CCDC32: variants seen among roughly 807,000 people sequenced by gnomAD.
The protein encoded by CCDC32 is coiled-coil domain-containing protein 32.
In CCDC32, 9 loss-of-function variants were observed where a neutral mutation model predicts 20.1. The observed-to-expected ratio is 0.45, with a 90% CI of 0.27 to 0.78. The LOEUF (loss-of-function observed/expected upper bound fraction) is 0.78. CCDC32 is among the 30% of genes least tolerant of loss of function. The pLI, the probability that CCDC32 is intolerant of heterozygous loss-of-function variation, is 0.16. For missense variants in CCDC32, 204 were observed against 215.5 expected (o/e 0.95, Z 0.33); for synonymous variants, 63 against 79.0 (o/e 0.80, Z 1.07).
downstream of CCDC32, among the ~76,000 whole-genome samples, chr15:40,527,298 G>A (rs1894911621): frequency 6.6e-6 from 1 of 152,156 alleles, no homozygotes. Flanking sequence ...AGCCTTCCGA[G>A]TAGCTGGGAC....
At chr15:40,564,932 T>A in intron 1 of CCDC32, 44 bp downstream of exon 1, 1 of 920,062 alleles carries the variant, frequency 1.1e-6, no homozygotes, top group Non-Finnish European at 1.7e-6. Flanking sequence ...CGGGCCAGAG[T>A]GGGAGATCCA....
downstream of CCDC32, among the ~76,000 whole-genome samples, chr15:40,548,840 G>T (rs1016416236): frequency 6.6e-6 from 1 of 152,126 alleles, no homozygotes; most frequent in African/African-American, 2.4e-5. Context: ...ACATAGGTCT[G>T]CCCAGGTTCA....
intron 3 of CCDC32, chr15:40,529,448 A>C (rs1888812235): frequency 6.6e-6 from 1 of 152,246 alleles, no homozygotes; most frequent in Non-Finnish European, 1.5e-5. Context: ...AAGCAGAGGG[A>C]GAGAGAGCAA....
chr15:40,522,572 A>C, the CCDC32 span, among the ~76,000 whole-genome samples: 26 of 152,246 alleles, frequency 1.7e-4, no homozygotes, highest in Non-Finnish European at 3.5e-4. Flanking sequence ...AACCATGTTA[A>C]GTCTTCTGAT....
intron 2 of CCDC32, 80 bp from the exon 3 acceptor site, chr15:40,557,452 CTT>C: frequency 3.5e-6 from 5 of 1,439,142 alleles, no homozygotes; most frequent in Non-Finnish European, 4.6e-6. Flanking sequence ...AAAATACTAA[CTT>C]AAAAAATCTC....
downstream of CCDC32, among the ~76,000 whole-genome samples, chr15:40,548,940 G>T (rs1363734521): frequency 6.6e-6 from 1 of 152,110 alleles, no homozygotes; most frequent in African/African-American, 2.4e-5. Context: ...CACTGATTTG[G>T]CCATCTTTGG....
At chr15:40,531,939 C>T (rs1888893543), downstream of CCDC32, 1 of 189,466 alleles carries the variant, frequency 5.3e-6, no homozygotes, top group East Asian at 1.3e-4. Flanking sequence ...ATTGCACTGT[C>T]TCCAATGGCA....
intron 3 of CCDC32, among the ~76,000 whole-genome samples, chr15:40,546,747 G>C (rs1482005283): frequency 6.6e-6 from 1 of 151,378 alleles, no homozygotes; most frequent in Non-Finnish European, 1.5e-5. Context: ...TGTTGCCCAG[G>C]CTGGAGTGTA....
intron 3 of CCDC32, 93 bp downstream of exon 3, chr15:40,557,123 G>C: frequency 6.7e-7 from 1 of 1,485,328 alleles, no homozygotes; most frequent in East Asian, 2.3e-5. Flanking sequence ...TGGCAAAAAA[G>C]TCTGTTCTTA....
chr15:40,555,882 T>C (rs945989001), intron 3 of CCDC32, among the ~76,000 whole-genome samples: 1 of 152,132 alleles, frequency 6.6e-6, no homozygotes, highest in Admixed American at 6.5e-5. Context: ...CTCCCCCCCA[T>C]TGATTTTTAC....
In CCDC32 at chr15:40,553,825, T is replaced by G; in HGVS notation, c.*146A>C. On this transcript the variant is annotated 3_prime_UTR_variant, in exon 4 of 4. Coordinates refer to ENST00000416810, the MANE Select transcript of CCDC32 (RefSeq NM_001080792.4). Reference sequence around the variant, plus strand: ...TTTCTTTGTGGAGTGGAAATTTGGGTTTTTTCCTTCAGTGGATTTCTCCCT... The same window carrying G: ...TTTCTTTGTGGAGTGGAAATTTGGGGTTTTTCCTTCAGTGGATTTCTCCCT... 2 of 1,389,436 alleles carry G rather than the reference T, an allele frequency of 1.4e-6. No homozygotes were observed. Among genetic ancestry groups the G allele is most frequent in the Non-Finnish European group, 9.3e-7 (1 of 1,070,970 alleles). The allele number at this position is 1,389,436 out of a possible 1,614,324, so 86.1% of individuals were successfully genotyped here.
intron 3 of CCDC32, among the ~76,000 whole-genome samples, chr15:40,541,847 A>G (rs1889409405): frequency 2.6e-5 from 4 of 152,228 alleles, no homozygotes. Context: ...TTCCAACCCA[A>G]GAGTCTGTCC....
chr15:40,543,603 C>T (rs1413089834), intron 3 of CCDC32, among the ~76,000 whole-genome samples: 3 of 152,110 alleles, frequency 2.0e-5, no homozygotes, highest in Non-Finnish European at 2.9e-5. Context: ...TACAGGCGCA[C>T]GCCACCGTGC....
downstream of CCDC32, chr15:40,535,288 T>C (rs535067582): frequency 3.0e-6 from 4 of 1,317,396 alleles, no homozygotes; most frequent in South Asian, 6.7e-5. Context: ...CCAAACTGTA[T>C]GAGCACCTTG....
intron 3 of CCDC32, among the ~76,000 whole-genome samples, chr15:40,545,193 C>T (rs1451997106): frequency 6.6e-6 from 1 of 152,220 alleles, no homozygotes; most frequent in East Asian, 1.9e-4. Flanking sequence ...GACCACACTG[C>T]ACCTTGGCAT....
chr15:40,523,311 G>A, the CCDC32 span, among the ~76,000 whole-genome samples: 6 of 151,604 alleles, frequency 4.0e-5, no homozygotes, highest in Non-Finnish European at 7.4e-5. Flanking sequence ...TCAAGACCAG[G>A]CTGACCAACA....
At position 40,553,924 on chromosome 15, in the gene CCDC32, G is replaced by A. The variant is rs777588753; in HGVS notation, c.*47C>T. ...GCTCGGCGTGTGTGTGTGTGTGTGTGTGTGTGTGTGTGTGTGTGTGTGTGT... is the reference window on the plus strand; with the variant it reads ...GCTCGGCGTGTGTGTGTGTGTGTGTATGTGTGTGTGTGTGTGTGTGTGTGT... On this transcript the variant is annotated 3_prime_UTR_variant, in exon 4 of 4. Transcript: ENST00000416810. 4 of 380,352 alleles carry A rather than the reference G, an allele frequency of 1.1e-5. No homozygotes were observed. Among genetic ancestry groups the A allele is most frequent in the Non-Finnish European group, 1.5e-5 (4 of 260,602 alleles). 23.6% of individuals were successfully genotyped at this position (380,352 alleles called of 1,614,324 possible).
chr15:40,553,212 T>G lies in CCDC32; in HGVS notation c.*759A>C. 1 of 985,444 alleles carries G rather than the reference T, an allele frequency of 1.0e-6. No individual in the cohort carries two copies. Among genetic ancestry groups the G allele is most frequent in the Non-Finnish European group, 1.2e-6 (1 of 829,942 alleles). The allele number at this position is 985,444 out of a possible 1,614,324, so 61.0% of individuals were successfully genotyped here. A position where few individuals can be genotyped will look rare whatever the true frequency, so the allele number is the denominator to read the frequency against. On this transcript the variant is annotated 3_prime_UTR_variant, in exon 4 of 4. Transcript: ENST00000416810. ...GCCACAAGGAAGATGTTTGGAACTA[T>G]CCAGGAGTAGTGTCAAACACTAACA... is the stretch of plus-strand genomic sequence containing the variant.
chr15:40,536,279 C>T (rs1314799468), downstream of CCDC32: 1 of 152,386 alleles, frequency 6.6e-6, no homozygotes, highest in East Asian at 1.9e-4. Context: ...CATCACGCAG[C>T]ACAGCTGCAA....
Sources: allele counts gnomAD v4.1 joint callset (sites outside exome capture counted in the v4.1 genomes callset), GRCh38; gene constraint gnomAD v4.1.1; transcripts MANE v1.5; gene names NCBI Gene and HGNC (gene_info 2026-07-23, HGNC 2026-07-21).